The following KLRG2 variants were observed in gnomAD, a reference collection of about 807,000 sequenced individuals.
KLRG2 encodes killer cell lectin like receptor G2.
In KLRG2, 39 loss-of-function variants were observed where a neutral mutation model predicts 35.4. That is an observed-to-expected ratio of 1.10 (90% confidence interval 0.85 to 1.44). KLRG2 has a LOEUF of 1.44. Ranked by LOEUF, KLRG2 falls within the 40% of genes most tolerant of loss-of-function variation. KLRG2 has a pLI of 0.00. For missense variants in KLRG2, 632 were observed against 570.9 expected, an observed-to-expected ratio of 1.11 and a Z score of -1.09; for synonymous variants, 283 against 265.8, an observed-to-expected ratio of 1.06 and a Z score of -0.63.
At chr7:139,461,587 C>G (rs907750415) in intron 3 of KLRG2, among the ~76,000 whole-genome samples, 2 of 152,268 alleles carry the variant, frequency 1.3e-5, no homozygotes, top group African/African-American at 4.8e-5. Flanking sequence ...CCTGCCTTAA[C>G]TGATGACATT....
chr7:139,449,007 T>C (rs1182537604), downstream of KLRG2, among the ~76,000 whole-genome samples: 8 of 150,048 alleles, frequency 5.3e-5, no homozygotes, highest in Non-Finnish European at 1.0e-4. Context: ...CTCGGGGGGC[T>C]GAGGCAGAGA....
intron 3 of KLRG2, among the ~76,000 whole-genome samples, chr7:139,470,951 TC>T (rs1569414383): frequency 6.6e-6 from 1 of 151,560 alleles, no homozygotes; most frequent in African/African-American, 2.4e-5. Context: ...AAAGCGATTC[TC>T]CTGCCTCAGT....
chr7:139,481,649 C>A (rs1036080131), intron 1 of KLRG2, among the ~76,000 whole-genome samples: 3 of 152,154 alleles, frequency 2.0e-5, no homozygotes, highest in African/African-American at 7.2e-5. Flanking sequence ...TTCTGGCTGG[C>A]CCGGTGGTTC....
rs754162476 is a variant in KLRG2 at position 139,483,273 on chromosome 7, G to A, written c.370C>T (p.Leu124=). The change falls in exon 1 of 5, where the codon CTG becomes TTG. Residue 124 remains leucine (L), a synonymous_variant. Coordinates refer to ENST00000340940, the MANE Select transcript of KLRG2 (RefSeq NM_198508.4). Reference sequence around the variant, plus strand: ...GGCTTCACGCGCACATCTACCTGCAGCTCCATGGGCGCCCAGGCGCTGGGC... The same window carrying A: ...GGCTTCACGCGCACATCTACCTGCAACTCCATGGGCGCCCAGGCGCTGGGC... ...PAPSAWAPME[L]QVDVRVKPVG... 30 of 1,560,804 alleles carry A rather than the reference G, an allele frequency of 1.9e-5. No individual in the cohort carries two copies. The highest frequency in any genetic ancestry group is 2.4e-5 in the Non-Finnish European group (28 of 1,164,912).
At chr7:139,427,937 G>GT in the KLRG2 span, among the ~76,000 whole-genome samples, 1 of 152,216 alleles carries the variant, frequency 6.6e-6, no homozygotes, top group African/African-American at 2.4e-5. Context: ...GTTTTTCGGA[G>GT]TAGGAAGCTG....
chr7:139,465,512 G>T (rs945995581), intron 3 of KLRG2, among the ~76,000 whole-genome samples: 6 of 152,082 alleles, frequency 3.9e-5, no homozygotes. Context: ...CTAACACGGT[G>T]AAACCCCGTC....
chr7:139,440,658 C>G, the KLRG2 span, among the ~76,000 whole-genome samples: 1 of 151,988 alleles, frequency 6.6e-6, no homozygotes, highest in Non-Finnish European at 1.5e-5. Flanking sequence ...CTATGTTGTC[C>G]AGGCTGGTCT....
intron 3 of KLRG2, among the ~76,000 whole-genome samples, chr7:139,455,094 C>T (rs1380730940): frequency 1.3e-5 from 2 of 151,336 alleles, no homozygotes; most frequent in African/African-American, 2.4e-5. Flanking sequence ...TCCTGGCTCA[C>T]TGCAGCCTCC....
intron 3 of KLRG2, among the ~76,000 whole-genome samples, chr7:139,477,450 A>G (rs999598196): frequency 1.3e-5 from 2 of 152,208 alleles, no homozygotes; most frequent in African/African-American, 2.4e-5. Flanking sequence ...CCTTGAGGAC[A>G]TGATACTAAG....
At chr7:139,456,021 G>GT (rs1294687482) in intron 3 of KLRG2, among the ~76,000 whole-genome samples, 1 of 151,442 alleles carries the variant, frequency 6.6e-6, no homozygotes, top group Non-Finnish European at 1.5e-5. Flanking sequence ...ATCATGCCAT[G>GT]TAAAAAAAAA....
At chr7:139,473,585 C>A (rs565012665) in intron 3 of KLRG2, among the ~76,000 whole-genome samples, 12 of 152,160 alleles carry the variant, frequency 7.9e-5, no homozygotes, top group African/African-American at 2.6e-4. Flanking sequence ...AAAAGACAAA[C>A]AATAAACAGA....
chr7:139,469,365 G>C (rs1796719164), intron 3 of KLRG2, among the ~76,000 whole-genome samples: 2 of 152,114 alleles, frequency 1.3e-5, no homozygotes, highest in African/African-American at 4.8e-5. Context: ...TCACCATGTT[G>C]CCCAGGCTGG....
chr7:139,468,866 A>T (rs1467347025), intron 3 of KLRG2, among the ~76,000 whole-genome samples: 1 of 152,212 alleles, frequency 6.6e-6, no homozygotes, highest in Admixed American at 6.5e-5. Context: ...TTAAATGCAC[A>T]TAACGCTGTT....
chr7:139,458,441 T>C (rs1330356991), intron 3 of KLRG2, among the ~76,000 whole-genome samples: 1 of 152,072 alleles, frequency 6.6e-6, no homozygotes, highest in Non-Finnish European at 1.5e-5. Flanking sequence ...ATTTTAACCA[T>C]GATAAGTGTA....
the KLRG2 span, among the ~76,000 whole-genome samples, chr7:139,446,091 C>A: frequency 6.6e-6 from 1 of 152,062 alleles, no homozygotes; most frequent in South Asian, 2.1e-4. Context: ...GATCCGCCCG[C>A]CTCGGCCTCC....
intron 3 of KLRG2, among the ~76,000 whole-genome samples, chr7:139,476,606 A>AT (rs1319135502): frequency 2.0e-5 from 3 of 151,890 alleles, no homozygotes; most frequent in Non-Finnish European, 4.4e-5. Flanking sequence ...TGCCTGGCTA[A>AT]TTTTTGTATT....
intron 3 of KLRG2, among the ~76,000 whole-genome samples, chr7:139,476,272 A>G (rs1796848624): frequency 6.6e-6 from 1 of 152,278 alleles, no homozygotes; most frequent in South Asian, 2.1e-4. Context: ...ACGAAAAGAC[A>G]TGCGACCTAG....
At chr7:139,463,851 C>T (rs1446420910) in intron 3 of KLRG2, among the ~76,000 whole-genome samples, 1 of 152,174 alleles carries the variant, frequency 6.6e-6, no homozygotes, top group East Asian at 1.9e-4. Context: ...AGTCCATCCC[C>T]TTCTTAATCA....
downstream of KLRG2, among the ~76,000 whole-genome samples, chr7:139,451,512 T>C (rs867537209): frequency 6.6e-6 from 1 of 152,032 alleles, no homozygotes. Context: ...AAAAAATTTT[T>C]TTTTTTGTTA....
Sources: allele counts gnomAD v4.1 joint callset (sites outside exome capture counted in the v4.1 genomes callset), GRCh38; gene constraint gnomAD v4.1.1; transcripts MANE v1.5; gene names NCBI Gene and HGNC (gene_info 2026-07-23, HGNC 2026-07-21).